The following TMEM132D variants were observed in gnomAD, a reference collection of about 807,000 sequenced individuals.
TMEM132D encodes the protein mature OL transmembrane protein.
In TMEM132D, 21 loss-of-function variants were observed where a neutral mutation model predicts 62.3. That is an observed-to-expected ratio of 0.34 (90% CI 0.24 to 0.49). The LOEUF is 0.49. TMEM132D is among the 20% of genes least tolerant of loss of function. The pLI is 0.99. For synonymous variants in TMEM132D, 621 were observed against 575.6 expected, an observed-to-expected ratio of 1.08 and a Z score of -1.13; for missense variants, 1,346 against 1,402.8, an observed-to-expected ratio of 0.96 and a Z score of 0.65.
intron 3 of TMEM132D, among the ~76,000 whole-genome samples, chr12:129,433,633 A>C (rs1043891432): frequency 6.6e-6 from 1 of 152,174 alleles, no homozygotes; most frequent in Non-Finnish European, 1.5e-5. Context: ...AGAAACATTT[A>C]GAGAAGCAAG....
chr12:129,619,265 T>G (rs951547839), intron 2 of TMEM132D, among the ~76,000 whole-genome samples: 7 of 152,100 alleles, frequency 4.6e-5, no homozygotes, highest in Admixed American at 3.9e-4. Context: ...GCCTTCGAAT[T>G]TTATTTTTGG....
At chr12:129,135,805 T>G (rs1448867821) in intron 5 of TMEM132D, among the ~76,000 whole-genome samples, 2 of 152,214 alleles carry the variant, frequency 1.3e-5, no homozygotes, top group African/African-American at 4.8e-5. Context: ...GTTCCTTGGC[T>G]GATAGACCGT....
chr12:129,354,156 C>T (rs1263598412), intron 3 of TMEM132D, among the ~76,000 whole-genome samples: 1 of 152,050 alleles, frequency 6.6e-6, no homozygotes, highest in South Asian at 2.1e-4. Flanking sequence ...GGCTGAGGCA[C>T]AGAGACCTGA....
At chr12:129,631,926 G>A (rs372303506) in intron 2 of TMEM132D, among the ~76,000 whole-genome samples, 1 of 152,224 alleles carries the variant, frequency 6.6e-6, no homozygotes, top group East Asian at 1.9e-4. Flanking sequence ...CCACATAAGA[G>A]CCATATAATT....
At chr12:129,512,045 G>A (rs997208618) in intron 3 of TMEM132D, among the ~76,000 whole-genome samples, 1 of 152,128 alleles carries the variant, frequency 6.6e-6, no homozygotes, top group Non-Finnish European at 1.5e-5. Flanking sequence ...TTGTTCTTCT[G>A]TTTTTTGTTT....
intron 5 of TMEM132D, among the ~76,000 whole-genome samples, chr12:129,179,669 T>G (rs1029471276): frequency 6.6e-6 from 1 of 152,212 alleles, no homozygotes; most frequent in Non-Finnish European, 1.5e-5. Context: ...TATTTATTTA[T>G]TTAATGAAAT....
chr12:129,790,169 A>G (rs1181597001), intron 1 of TMEM132D, among the ~76,000 whole-genome samples: 1 of 151,572 alleles, frequency 6.6e-6, no homozygotes, highest in East Asian at 1.9e-4. Context: ...CAGGAGCAAA[A>G]CTCTGTGTGG....
At position 129,421,145 on chromosome 12, in the gene TMEM132D, T is replaced by G. The variant is rs540342805; in HGVS notation, c.1116-83328A>C. On this transcript the variant is annotated intron_variant, in intron 3 of 8. Coordinates refer to ENST00000422113, the MANE Select transcript of TMEM132D (RefSeq NM_133448.3). Reference sequence around the variant, plus strand: ...CCCAGCGAATTTTCATATTTTTTGGTAGAGATGGGGTTTCACCATGTTGTT... The same window carrying G: ...CCCAGCGAATTTTCATATTTTTTGGGAGAGATGGGGTTTCACCATGTTGTT... 2.0e-5 allele frequency among the ~76,000 whole-genome samples: 3 copies of G among 151,918 alleles called. No individual in the cohort carries two copies. In the South Asian group the frequency reaches 6.2e-4, roughly 32 times the overall value.
chr12:129,532,372 T>C (rs1876254548), intron 2 of TMEM132D, among the ~76,000 whole-genome samples: 1 of 152,182 alleles, frequency 6.6e-6, no homozygotes, highest in South Asian at 2.1e-4. Flanking sequence ...AAAATCCCTC[T>C]CTGTCATGCC....
intron 2 of TMEM132D, among the ~76,000 whole-genome samples, chr12:129,687,882 G>C (rs1880970566): frequency 6.6e-6 from 1 of 152,122 alleles, no homozygotes; most frequent in Admixed American, 6.5e-5. Context: ...ACATTGTAGG[G>C]AGATTACATG....
intron 1 of TMEM132D, among the ~76,000 whole-genome samples, chr12:129,847,489 G>T (rs543694704): frequency 5.9e-5 from 9 of 152,230 alleles, no homozygotes; most frequent in Non-Finnish European, 1.0e-4. Flanking sequence ...GTCTTCCCAG[G>T]TCTGAGGGGC....
At chr12:129,406,490 T>C (rs562720514) in intron 3 of TMEM132D, among the ~76,000 whole-genome samples, 168 of 151,992 alleles carry the variant, frequency 1.1e-3, no homozygotes, top group African/African-American at 3.9e-3. Flanking sequence ...TGTGGTGGCA[T>C]GTGCCTGTAA....
rs190279409 is a variant in TMEM132D at position 129,760,256 on chromosome 12, T to C, written c.80-59558A>G. On this transcript the variant is annotated intron_variant, in intron 1 of 8. Coordinates refer to ENST00000422113, the MANE Select transcript of TMEM132D (RefSeq NM_133448.3). ...GAAGTCTGCCTTTCCCAGTATCCCC[T>C]GAAACCTGAATGATGTTATATGACT... 2.7e-3 allele frequency among the ~76,000 whole-genome samples: 410 copies of C among 150,388 alleles called. 3 individuals carry two copies. The highest frequency in any genetic ancestry group is 9.6e-3 in the African/African-American group (391 of 40,910).
At position 129,207,011 on chromosome 12, in the gene TMEM132D, C is replaced by A. The variant is rs139896944; in HGVS notation, c.1443+2509G>T. Among the ~76,000 whole-genome samples, 3 of 152,226 alleles carry A rather than the reference C, an allele frequency of 2.0e-5. No homozygotes were observed. In the East Asian group the frequency reaches 5.8e-4, roughly 29 times the overall value. The stretch of plus-strand genomic sequence containing the variant: ...TACCTCTTGAGTACTGTGCTTATTA[C>A]CTGGGTGATGAAACTATCTGTAATC... On this transcript the variant is annotated intron_variant, in intron 5 of 8. Transcript: ENST00000422113.
rs192866409 is a variant in TMEM132D at position 129,695,022 on chromosome 12, T to A, written c.968+4788A>T. Among the ~76,000 whole-genome samples, 621 of 152,052 alleles carry A rather than the reference T, an allele frequency of 4.1e-3. 4 individuals are homozygous for A. The highest frequency in any genetic ancestry group is 0.013 in the African/African-American group (520 of 41,442). On this transcript the variant is annotated intron_variant, in intron 2 of 8. Coordinates refer to ENST00000422113, the MANE Select transcript of TMEM132D (RefSeq NM_133448.3). ...GACTCCGTCTCAAAAAAATAAAAAA[T>A]AAATAAATAAATAATGTGTTCTGAC...
intron 4 of TMEM132D, among the ~76,000 whole-genome samples, chr12:129,240,994 C>T (rs903731925): frequency 1.3e-5 from 2 of 152,068 alleles, no homozygotes; most frequent in Non-Finnish European, 2.9e-5. Context: ...TCGCAACCCA[C>T]AAACTCCCTC....
intron 1 of TMEM132D, among the ~76,000 whole-genome samples, chr12:129,832,134 G>C (rs757741748): frequency 7.0e-6 from 1 of 143,340 alleles, no homozygotes; most frequent in Non-Finnish European, 1.5e-5. Context: ...TGATCCGCCC[G>C]TCTCAGCCTC....
chr12:129,073,036 C>T lies in TMEM132D; in HGVS notation c.*839G>A, dbSNP rs956737019. ...CTCTCCCTCCCCCACCCACAGGTGA[C>T]CAACGGCTTTGGGGAGGATGGCAAT... is the stretch of plus-strand genomic sequence containing the variant. On this transcript the variant is annotated 3_prime_UTR_variant, in exon 9 of 9. Coordinates refer to ENST00000422113, the MANE Select transcript of TMEM132D (RefSeq NM_133448.3). 3.9e-5 allele frequency: 6 copies of T among 152,190 alleles called. No individual in the cohort carries two copies. The highest frequency in any genetic ancestry group is 1.4e-4 in the African/African-American group (6 of 41,436). The allele number at this position is 152,190 out of a possible 1,614,324, so 9.4% of individuals were successfully genotyped here.
intron 4 of TMEM132D, among the ~76,000 whole-genome samples, chr12:129,304,049 T>C (rs1222737714): frequency 1.3e-5 from 2 of 152,200 alleles, no homozygotes; most frequent in Non-Finnish European, 2.9e-5. Context: ...CTGATTTAAA[T>C]TCTAGTCTCT....
Sources: gnomAD v4.1 joint callset for allele counts (sites outside exome capture counted in the v4.1 genomes callset) on GRCh38, gnomAD v4.1.1 for gene constraint, MANE v1.5 for transcripts, NCBI Gene and HGNC (gene_info 2026-07-23, HGNC 2026-07-21) for gene names.